Variants in FCHSD2 observed in about 807,000 individuals in gnomAD.
The protein encoded by FCHSD2 is FCH and double SH3 domains 2, also known as F-BAR and double SH3 domains protein 2.
FCHSD2 carries 38 observed loss-of-function variants against 108.1 expected under a neutral mutation model. The observed-to-expected ratio is 0.35, with a 90% CI of 0.27 to 0.46. FCHSD2 has a LOEUF of 0.46. Ranked by LOEUF, FCHSD2 falls within the 20% of genes least tolerant of loss-of-function variation. The pLI, the probability that FCHSD2 is intolerant of heterozygous loss-of-function variation, is 1.00. For missense variants in FCHSD2, 751 were observed against 897.8 expected, an observed-to-expected ratio of 0.84 and a Z score of 2.09; for synonymous variants, 279 against 314.7, an observed-to-expected ratio of 0.89 and a Z score of 1.20.
At chr11:73,103,253 C>T (rs1221502844) in intron 2 of FCHSD2, among the ~76,000 whole-genome samples, 1 of 152,004 alleles carries the variant, frequency 6.6e-6, no homozygotes, top group African/African-American at 2.4e-5. Context: ...CAAATTGTCT[C>T]AGTAAGATTA....
At chr11:72,982,731 C>T (rs1444332362) in intron 8 of FCHSD2, among the ~76,000 whole-genome samples, 2 of 152,198 alleles carry the variant, frequency 1.3e-5, no homozygotes, top group African/African-American at 2.4e-5. Context: ...AGAGGACAGA[C>T]ATCTTCATAT....
intron 3 of FCHSD2, among the ~76,000 whole-genome samples, chr11:73,042,987 T>C (rs559930173): frequency 6.6e-6 from 1 of 152,344 alleles, no homozygotes; most frequent in South Asian, 2.1e-4. Flanking sequence ...TATGAGGTCA[T>C]GTCATCTGCA....
chr11:73,080,077 T>C (rs185755875), intron 3 of FCHSD2, among the ~76,000 whole-genome samples: 1 of 152,066 alleles, frequency 6.6e-6, no homozygotes, highest in Admixed American at 6.6e-5. Flanking sequence ...GACAGGAGAA[T>C]TACTTGAACC....
chr11:73,093,288 A>G (rs1351525100), intron 2 of FCHSD2, among the ~76,000 whole-genome samples: 3 of 152,140 alleles, frequency 2.0e-5, no homozygotes, highest in Admixed American at 2.0e-4. Flanking sequence ...CTTTAGCTAT[A>G]ATAAATCATA....
intron 2 of FCHSD2, among the ~76,000 whole-genome samples, chr11:73,103,856 T>G (rs1860278964): frequency 6.6e-6 from 1 of 152,238 alleles, no homozygotes; most frequent in Non-Finnish European, 1.5e-5. Context: ...AAAAGTCCCA[T>G]GAACCAAGCA....
chr11:72,901,249 T>C (rs377115275), intron 10 of FCHSD2, among the ~76,000 whole-genome samples: 8 of 151,566 alleles, frequency 5.3e-5, no homozygotes, highest in African/African-American at 1.9e-4. Flanking sequence ...ACAAAGAAAA[T>C]AGCCAGGCAC....
chr11:72,964,948 C>G (rs1856879646), intron 8 of FCHSD2, among the ~76,000 whole-genome samples: 2 of 152,086 alleles, frequency 1.3e-5, no homozygotes, highest in South Asian at 2.1e-4. Flanking sequence ...CGCCACCACA[C>G]CCGGCTAATT....
intron 2 of FCHSD2, among the ~76,000 whole-genome samples, chr11:73,108,163 T>G (rs1364035570): frequency 3.9e-5 from 6 of 152,242 alleles, no homozygotes; most frequent in Admixed American, 3.9e-4. Context: ...TGATGATCAA[T>G]GATGTTGCAC....
chr11:72,852,843 C>G (rs1359732801), intron 13 of FCHSD2, among the ~76,000 whole-genome samples: 4 of 152,114 alleles, frequency 2.6e-5, no homozygotes, highest in Non-Finnish European at 5.9e-5. Context: ...TCTGTAGGAA[C>G]ATGGATGGAA....
intron 17 of FCHSD2, among the ~76,000 whole-genome samples, chr11:72,842,316 C>A (rs1057412571): frequency 6.6e-6 from 1 of 152,210 alleles, no homozygotes; most frequent in Non-Finnish European, 1.5e-5. Context: ...CTTCCCTCTT[C>A]GGTTTGTTTC....
intron 2 of FCHSD2, among the ~76,000 whole-genome samples, chr11:73,108,657 T>G (rs1375926765): frequency 6.6e-6 from 1 of 152,080 alleles, no homozygotes; most frequent in Non-Finnish European, 1.5e-5. Context: ...CAAGCTCCGC[T>G]TCCCGGGTTC....
chr11:72,901,460 A>C (rs1033927183), intron 10 of FCHSD2, among the ~76,000 whole-genome samples: 1 of 152,102 alleles, frequency 6.6e-6, no homozygotes, highest in Non-Finnish European at 1.5e-5. Flanking sequence ...GCCAGTTGGA[A>C]TCTACAGACA....
chr11:72,892,515 C>A (rs936547085), intron 10 of FCHSD2, among the ~76,000 whole-genome samples: 1 of 152,164 alleles, frequency 6.6e-6, no homozygotes, highest in African/African-American at 2.4e-5. Flanking sequence ...AAACAATACA[C>A]AGAGAAATGT....
chr11:72,853,477 C>T (rs548632227), intron 13 of FCHSD2, among the ~76,000 whole-genome samples: 11 of 152,060 alleles, frequency 7.2e-5, no homozygotes, highest in African/African-American at 1.9e-4. Context: ...TGTAGTGGCG[C>T]AATCTTGACT....
At chr11:73,103,157 G>T (rs530402079) in intron 2 of FCHSD2, among the ~76,000 whole-genome samples, 27 of 152,272 alleles carry the variant, frequency 1.8e-4, no homozygotes, top group African/African-American at 6.5e-4. Context: ...TCTATATATT[G>T]AGTGTAGTAG....
At chr11:73,013,303 A>C (rs537219545) in intron 4 of FCHSD2, among the ~76,000 whole-genome samples, 98 of 152,258 alleles carry the variant, frequency 6.4e-4, no homozygotes, top group African/African-American at 2.2e-3. Flanking sequence ...TTCTTTTACC[A>C]AACTGTCTGC....
chr11:72,896,364 T>C (rs550231972), intron 10 of FCHSD2, among the ~76,000 whole-genome samples: 1 of 152,328 alleles, frequency 6.6e-6, no homozygotes, highest in South Asian at 2.1e-4. Flanking sequence ...TTTGTGGACA[T>C]GCATGTTTCC....
chr11:72,874,675 T>C (rs1017820247), intron 12 of FCHSD2, among the ~76,000 whole-genome samples: 6 of 152,206 alleles, frequency 3.9e-5, no homozygotes, highest in African/African-American at 1.4e-4. Flanking sequence ...TTATAAGATT[T>C]TGTCAGTATT....
chr11:73,133,748 G>A (rs1591582241), intron 2 of FCHSD2, among the ~76,000 whole-genome samples: 2 of 139,522 alleles, frequency 1.4e-5, no homozygotes, highest in South Asian at 4.4e-4. Flanking sequence ...AGCCGGCATC[G>A]CGCCACTGCA....
Sources: gnomAD v4.1 joint callset for allele counts (sites outside exome capture counted in the v4.1 genomes callset) on GRCh38, gnomAD v4.1.1 for gene constraint, MANE v1.5 for transcripts, NCBI Gene and HGNC (gene_info 2026-07-23, HGNC 2026-07-21) for gene names.